The following LRRC9 variants were observed in gnomAD, a reference collection of about 807,000 sequenced individuals.
LRRC9 encodes the protein leucine-rich repeat-containing protein 9.
Under a neutral mutation model 63.2 loss-of-function variants are expected in LRRC9, and 122 were observed. The observed-to-expected ratio is 1.93, with a 90% CI of 1.67 to 2.24. LRRC9 has a LOEUF of 2.24. Ranked by LOEUF, LRRC9 falls within the 30% of genes most tolerant of loss-of-function variation. The pLI, the probability that LRRC9 is intolerant of heterozygous loss-of-function variation, is 0.00. For missense variants in LRRC9, 1,071 were observed against 627.7 expected (o/e 1.71, Z -7.55); for synonymous variants, 366 against 213.1 (o/e 1.72, Z -6.25).
chr14:59,993,911 G>C (rs1888449423), intron 17 of LRRC9, among the ~76,000 whole-genome samples: 1 of 152,160 alleles, frequency 6.6e-6, no homozygotes, highest in Admixed American at 6.5e-5. Context: ...CAACAAGACA[G>C]AAAGTTAACA....
At position 60,060,159 on chromosome 14, in the gene LRRC9, C is replaced by T. The variant is rs1407497323; in HGVS notation, c.4276+2137C>T. On this transcript the variant is annotated intron_variant, in intron 31 of 31. Transcript: ENST00000445360. This position sits in a 1 kb window ranked among gnomAD's most constrained non-coding sequence, Gnocchi z 4.0. Reference sequence around the variant, plus strand: ...TGTCTATGCTCTATCAGTCTATGCTCTATCAATGTACAAAGCTTGGATAAC... The same window carrying T: ...TGTCTATGCTCTATCAGTCTATGCTTTATCAATGTACAAAGCTTGGATAAC... Among the ~76,000 whole-genome samples, 2 of 152,214 alleles carry T rather than the reference C, an allele frequency of 1.3e-5. No homozygotes were observed. The highest frequency in any genetic ancestry group is 2.9e-5 in the Non-Finnish European group (2 of 68,030).
At chr14:59,984,669 T>C (rs1398745920) in intron 16 of LRRC9, among the ~76,000 whole-genome samples, 1 of 152,182 alleles carries the variant, frequency 6.6e-6, no homozygotes, top group African/African-American at 2.4e-5. Flanking sequence ...TTTTCTTCTT[T>C]GGTTCGGTGC....
chr14:59,995,691 T>G (rs1417800610), intron 17 of LRRC9, among the ~76,000 whole-genome samples: 2 of 151,334 alleles, frequency 1.3e-5, no homozygotes, highest in Non-Finnish European at 2.9e-5. Context: ...AAATAAAGAT[T>G]CCCCCCCTGT....
chr14:59,999,189 C>A (rs956148651), exon 19 of LRRC9: 1 of 701,288 alleles, frequency 1.4e-6, no homozygotes, highest in African/African-American at 1.7e-5. Flanking sequence ...GAAGCAACAG[C>A]AGCTATGAAA....
chr14:60,002,065 C>T, exon 20 of LRRC9: 1 of 701,924 alleles, frequency 1.4e-6, no homozygotes, highest in Non-Finnish European at 2.6e-6. Flanking sequence ...AAAGTTAGGA[C>T]CTCATTTACA....
chr14:59,992,906 T>C (rs1486439703), intron 17 of LRRC9, among the ~76,000 whole-genome samples: 2 of 152,116 alleles, frequency 1.3e-5, no homozygotes, highest in African/African-American at 4.8e-5. Context: ...CAGAAGAACT[T>C]CCCCAATCTA....
intron 6 of LRRC9, among the ~76,000 whole-genome samples, chr14:59,935,720 C>G (rs867728480): frequency 2.0e-5 from 3 of 152,288 alleles, no homozygotes; most frequent in Middle Eastern, 3.4e-3. Flanking sequence ...CTAATGATAT[C>G]AGACGTGAGT....
At chr14:60,025,703 CA>C (rs796139767) in intron 27 of LRRC9, among the ~76,000 whole-genome samples, 80 of 150,432 alleles carry the variant, frequency 5.3e-4, no homozygotes, top group African/African-American at 1.8e-3. Context: ...AAGAAAGTGA[CA>C]TTCAGTGTGG....
intron 30 of LRRC9, among the ~76,000 whole-genome samples, chr14:60,054,743 A>G (rs1894148138): frequency 6.6e-6 from 1 of 152,018 alleles, no homozygotes; most frequent in Admixed American, 6.6e-5. Flanking sequence ...TAAGATGAAT[A>G]TCAATTAGAC....
chr14:60,062,255 A>G lies in LRRC9; in HGVS notation c.4277-1068A>G, dbSNP rs78820312. 1.8e-3 allele frequency: 728 copies of G among 396,998 alleles called. 11 individuals are homozygous for G. Among genetic ancestry groups the G allele is most frequent in the African/African-American group, 0.014 (690 of 48,708 alleles). 24.6% of individuals were successfully genotyped at this position (396,998 alleles called of 1,614,324 possible). A position where few individuals can be genotyped will look rare whatever the true frequency, so the allele number is the denominator to read the frequency against. On this transcript the variant is annotated intron_variant, in intron 31 of 31. Coordinates refer to ENST00000445360, the Ensembl canonical transcript of LRRC9. ...TACTCTCCATATTTGCTAGTCATGT[A>G]TAACAGGAAATATTGTTATGTACTA... is the stretch of plus-strand genomic sequence containing the variant.
downstream of LRRC9, among the ~76,000 whole-genome samples, chr14:60,065,083 T>A (rs558844981): frequency 6.6e-6 from 1 of 152,300 alleles, no homozygotes; most frequent in East Asian, 1.9e-4. Context: ...TAAAAATTGT[T>A]AATTAAATGT....
chr14:59,924,590 A>G (rs1889048956), intron 1 of LRRC9, among the ~76,000 whole-genome samples: 1 of 152,172 alleles, frequency 6.6e-6, no homozygotes, highest in Admixed American at 6.5e-5. Context: ...CTGCCCATTA[A>G]CTAGTCTCCC....
At chr14:59,960,569 TCAAAA>T (rs1884246943) in intron 9 of LRRC9, among the ~76,000 whole-genome samples, 1 of 152,238 alleles carries the variant, frequency 6.6e-6, no homozygotes, top group Admixed American at 6.5e-5. Flanking sequence ...TATGTAACTC[TCAAAA>T]CAACCATTTT....
At chr14:59,974,812 T>G (rs549857560) in intron 13 of LRRC9, 104 bp downstream of exon 13, 9 of 498,440 alleles carry the variant, frequency 1.8e-5, no homozygotes, top group Non-Finnish European at 3.1e-5. Context: ...ACCAAGGAGA[T>G]GTTCTTCAAA....
At chr14:60,020,427 A>G (rs917445672) in intron 26 of LRRC9, among the ~76,000 whole-genome samples, 1 of 151,950 alleles carries the variant, frequency 6.6e-6, no homozygotes, top group Non-Finnish European at 1.5e-5. Context: ...TTTCATTTAT[A>G]TACATACTTT....
chr14:59,997,897 C>T (rs1888966253), intron 18 of LRRC9, 50 bp downstream of exon 18: 5 of 620,432 alleles, frequency 8.1e-6, no homozygotes, highest in Non-Finnish European at 1.5e-5. Context: ...TTTTCAGAGC[C>T]ATTTCCCTAC....
intron 8 of LRRC9, among the ~76,000 whole-genome samples, chr14:59,952,012 C>T (rs1161450707): frequency 6.6e-6 from 1 of 151,902 alleles, no homozygotes; most frequent in Non-Finnish European, 1.5e-5. Flanking sequence ...CCTCCTTGAG[C>T]TGTGGTGGGC....
At chr14:59,928,203 A>G (rs1428286348) in intron 2 of LRRC9, 65 bp from the exon 3 acceptor site, 3 of 563,284 alleles carry the variant, frequency 5.3e-6, no homozygotes, top group African/African-American at 1.9e-5. Context: ...ATAATTTCTA[A>G]TGGTAAAAGT....
intron 29 of LRRC9, among the ~76,000 whole-genome samples, chr14:60,046,606 T>A (rs1893443922): frequency 1.3e-5 from 2 of 152,140 alleles, no homozygotes; most frequent in African/African-American, 4.8e-5. Context: ...TATTTCTGAG[T>A]TCTCTATTCT....
Sources: allele counts gnomAD v4.1 joint callset (sites outside exome capture counted in the v4.1 genomes callset), GRCh38; gene constraint gnomAD v4.1.1; non-coding constraint Gnocchi (gnomAD v3.1); transcripts MANE v1.5; gene names NCBI Gene and HGNC (gene_info 2026-07-23, HGNC 2026-07-21).